Variants in CTNNA3 observed in about 807,000 individuals in gnomAD.
CTNNA3 encodes the protein catenin alpha 3.
Under a neutral mutation model 95.7 loss-of-function variants are expected in CTNNA3, and 76 were observed. The ratio of observed to expected loss-of-function variants is 0.79; its 90% CI spans 0.66 to 0.96. CTNNA3 has a LOEUF of 0.96. Among genes scored for constraint, CTNNA3 ranks in the 40% least tolerant of loss-of-function variants. CTNNA3 has a pLI of 0.00. For synonymous variants in CTNNA3, 431 were observed against 374.4 expected (o/e 1.15, Z -1.74); for missense variants, 1,191 against 1,089.8 (o/e 1.09, Z -1.31).
At chr10:66,088,016 A>T (rs1000667808) in intron 14 of CTNNA3, among the ~76,000 whole-genome samples, 7 of 152,042 alleles carry the variant, frequency 4.6e-5, no homozygotes, top group African/African-American at 1.7e-4. Flanking sequence ...CTTTTTAAAG[A>T]TTAAGAAAAT....
intron 7 of CTNNA3, among the ~76,000 whole-genome samples, chr10:67,117,872 A>G (rs1361971930): frequency 6.6e-6 from 1 of 152,026 alleles, no homozygotes; most frequent in East Asian, 1.9e-4. Context: ...GACTTAGAAG[A>G]GTTCTGAATA....
At chr10:66,195,889 A>C (rs1441505687) in intron 13 of CTNNA3, among the ~76,000 whole-genome samples, 8 of 152,216 alleles carry the variant, frequency 5.3e-5, no homozygotes, top group African/African-American at 1.7e-4. Flanking sequence ...ACAGTAGTGA[A>C]CTATAAATTA....
intron 11 of CTNNA3, among the ~76,000 whole-genome samples, chr10:66,508,022 A>T (rs72793609): frequency 0.15 from 22,994 of 151,634 alleles, 1,807 homozygotes; most frequent in Non-Finnish European, 0.17. Flanking sequence ...CATTTTTTTT[A>T]AATCATTTCC....
chr10:66,199,805 A>ATATATAT (rs1564756586), intron 13 of CTNNA3, among the ~76,000 whole-genome samples: 4 of 14,284 alleles, frequency 2.8e-4, no homozygotes, highest in African/African-American at 7.8e-4. Context: ...ATATATATAT[A>ATATATAT]TTTTTTTTTT....
chr10:67,009,664 T>C (rs1272180176), intron 7 of CTNNA3, among the ~76,000 whole-genome samples: 1 of 152,146 alleles, frequency 6.6e-6, no homozygotes, highest in African/African-American at 2.4e-5. Flanking sequence ...TGTTGTGTTA[T>C]TATCTCTTTA....
At chr10:66,064,533 A>G (rs1212563362) in intron 15 of CTNNA3, among the ~76,000 whole-genome samples, 1 of 152,188 alleles carries the variant, frequency 6.6e-6, no homozygotes, top group Non-Finnish European at 1.5e-5. Context: ...TTTCTTAAAG[A>G]TGGCCTTTAT....
chr10:67,150,741 T>C (rs1341326988), intron 7 of CTNNA3, among the ~76,000 whole-genome samples: 1 of 152,150 alleles, frequency 6.6e-6, no homozygotes, highest in Non-Finnish European at 1.5e-5. Flanking sequence ...AATAGGGTAA[T>C]AAGACATGGA....
intron 7 of CTNNA3, among the ~76,000 whole-genome samples, chr10:67,113,522 G>A (rs1859010602): frequency 6.6e-6 from 1 of 152,164 alleles, no homozygotes; most frequent in Non-Finnish European, 1.5e-5. Flanking sequence ...CATATTCTCA[G>A]GTGATCGGTT....
At chr10:66,156,167 T>C (rs2084497863) in intron 13 of CTNNA3, among the ~76,000 whole-genome samples, 1 of 151,864 alleles carries the variant, frequency 6.6e-6, no homozygotes, top group African/African-American at 2.4e-5. Flanking sequence ...AGCATGATGG[T>C]GAATTACCTG....
At chr10:65,965,399 T>A (rs201468280) in intron 17 of CTNNA3, among the ~76,000 whole-genome samples, 2 of 122,130 alleles carry the variant, frequency 1.6e-5, no homozygotes, top group South Asian at 5.6e-4. Flanking sequence ...TCTACTTTTT[T>A]TTTTTTTTTT....
At chr10:66,335,572 C>A (rs1251190927) in intron 12 of CTNNA3, among the ~76,000 whole-genome samples, 2 of 152,054 alleles carry the variant, frequency 1.3e-5, no homozygotes, top group African/African-American at 4.8e-5. Context: ...AATGTTGCTG[C>A]CTGATTGTTC....
intron 5 of CTNNA3, among the ~76,000 whole-genome samples, chr10:67,282,406 C>T (rs61295981): frequency 0.071 from 10,802 of 152,052 alleles, 645 homozygotes; most frequent in African/African-American, 0.17. Context: ...GCAGAGAATG[C>T]AATTCATAGG....
At chr10:67,639,879 G>A (rs1226147397) in intron 2 of CTNNA3, among the ~76,000 whole-genome samples, 1 of 152,096 alleles carries the variant, frequency 6.6e-6, no homozygotes, top group Non-Finnish European at 1.5e-5. Flanking sequence ...AGCTATTTAT[G>A]ACCAACCGAC....
intron 10 of CTNNA3, among the ~76,000 whole-genome samples, chr10:66,613,606 C>G (rs1911329): frequency 0.041 from 6,309 of 152,130 alleles, 430 homozygotes; most frequent in African/African-American, 0.14. Flanking sequence ...GAAACTGGTA[C>G]TAAACTTACA....
At chr10:66,882,609 A>C (rs1844892570) in intron 7 of CTNNA3, among the ~76,000 whole-genome samples, 1 of 152,162 alleles carries the variant, frequency 6.6e-6, no homozygotes, top group Admixed American at 6.6e-5. Flanking sequence ...TATTCTACTT[A>C]AAAGCAACAC....
At chr10:66,483,123 T>C (rs1235414400) in intron 11 of CTNNA3, among the ~76,000 whole-genome samples, 1 of 152,202 alleles carries the variant, frequency 6.6e-6, no homozygotes, top group African/African-American at 2.4e-5. Flanking sequence ...ACAGACTTGA[T>C]GGTTATTCTA....
At chr10:66,936,169 G>T (rs563440674) in intron 7 of CTNNA3, among the ~76,000 whole-genome samples, 1 of 152,164 alleles carries the variant, frequency 6.6e-6, no homozygotes, top group South Asian at 2.1e-4. Context: ...CTTTACTCTG[G>T]TCACTTTTAT....
rs1194146792 is a variant in CTNNA3, at chr10:65,920,620, G to C, written c.2401-3C>G. ...ATCAGGGATGTGACACTGTCCAACT[G>C]TAGGGAAAAAAGAGAAAAAAGAGCT... On this transcript the variant is annotated splice_polypyrimidine_tract_variant and splice_region_variant and intron_variant, in intron 17 of 17. Coordinates refer to ENST00000433211, the MANE Select transcript of CTNNA3 (RefSeq NM_013266.4). 6.2e-7 allele frequency: 1 copy of C among 1,603,792 alleles called. No homozygotes were observed. The highest frequency in any genetic ancestry group is 1.7e-4 in the Middle Eastern group (1 of 5,992).
chr10:66,229,500 C>A (rs1372478241), intron 13 of CTNNA3, among the ~76,000 whole-genome samples: 1 of 152,046 alleles, frequency 6.6e-6, no homozygotes, highest in Non-Finnish European at 1.5e-5. Flanking sequence ...GTATAATATT[C>A]TCGTCTCACA....
Sources: allele counts gnomAD v4.1 joint callset (sites outside exome capture counted in the v4.1 genomes callset), GRCh38; gene constraint gnomAD v4.1.1; transcripts MANE v1.5; gene names NCBI Gene and HGNC (gene_info 2026-07-23, HGNC 2026-07-21).